Variants in ANK3 observed in about 807,000 individuals in gnomAD.
ANK3 encodes the protein ankyrin 3.
Under a neutral mutation model 370.9 loss-of-function variants are expected in ANK3, and 57 were observed. The ratio of observed to expected loss-of-function variants is 0.15; its 90% CI spans 0.12 to 0.19. The LOEUF is 0.19. ANK3 is among the 10% of genes least tolerant of loss of function. The probability of loss-of-function intolerance (pLI) is 1.00; values close to 1 mark genes in which losing one functional copy is unlikely to be tolerated. For synonymous variants in ANK3, 1,929 were observed against 1,946.3 expected, an observed-to-expected ratio of 0.99 and a Z score of 0.23; for missense variants, 4,439 against 5,302.1, an observed-to-expected ratio of 0.84 and a Z score of 5.06.
chr10:60,256,825 G>A (rs2097745208), intron 7 of ANK3, among the ~76,000 whole-genome samples: 1 of 152,100 alleles, frequency 6.6e-6, no homozygotes, highest in Non-Finnish European at 1.5e-5. Flanking sequence ...ATGGCTGTGT[G>A]GTACTCCATA....
At chr10:60,721,173 G>A (rs541684219) in intron 1 of ANK3, among the ~76,000 whole-genome samples, 2 of 152,274 alleles carry the variant, frequency 1.3e-5, no homozygotes, top group African/African-American at 4.8e-5. Flanking sequence ...AAATATACAT[G>A]AAGTACTATA....
At chr10:60,655,251 A>G (rs1290762376) in intron 1 of ANK3, among the ~76,000 whole-genome samples, 2 of 151,724 alleles carry the variant, frequency 1.3e-5, no homozygotes, top group Non-Finnish European at 1.5e-5. Flanking sequence ...AGCCTCAGGC[A>G]GGTCCTTCTG....
intron 2 of ANK3, among the ~76,000 whole-genome samples, chr10:60,602,600 A>C (rs1025170939): frequency 6.6e-6 from 1 of 152,080 alleles, no homozygotes; most frequent in African/African-American, 2.4e-5. Context: ...AGAGGTTCTT[A>C]AATTGGGATA....
At chr10:60,100,870 A>G (rs2091153106) in intron 28 of ANK3, among the ~76,000 whole-genome samples, 1 of 152,232 alleles carries the variant, frequency 6.6e-6, no homozygotes, top group Non-Finnish European at 1.5e-5. Flanking sequence ...ACTGTCCAGT[A>G]AAAATATAAT....
chr10:60,146,623 G>T (rs947384157), intron 23 of ANK3, among the ~76,000 whole-genome samples: 5 of 152,136 alleles, frequency 3.3e-5, no homozygotes, highest in Admixed American at 1.3e-4. Context: ...CGAGTAGTTG[G>T]GATTACAGGC....
At chr10:60,229,219 A>G (rs2097207465) in intron 8 of ANK3, among the ~76,000 whole-genome samples, 1 of 152,172 alleles carries the variant, frequency 6.6e-6, no homozygotes, top group Admixed American at 6.5e-5. Context: ...AAAAATTGAT[A>G]TATTTTTATA....
upstream of ANK3, among the ~76,000 whole-genome samples, chr10:60,391,873 T>C (rs2063118924): frequency 6.6e-6 from 1 of 152,230 alleles, no homozygotes; most frequent in African/African-American, 2.4e-5. Context: ...TTTAGGACTC[T>C]ATAATGTGAC....
At chr10:60,382,564 G>C (rs2061679119) in intron 1 of ANK3, among the ~76,000 whole-genome samples, 2 of 151,962 alleles carry the variant, frequency 1.3e-5, no homozygotes, top group Admixed American at 1.3e-4. Context: ...TGGGTGAATG[G>C]AATAAGTACC....
At chr10:60,061,359 G>C (rs1036384220) in intron 40 of ANK3, among the ~76,000 whole-genome samples, 1 of 152,090 alleles carries the variant, frequency 6.6e-6, no homozygotes, top group Non-Finnish European at 1.5e-5. Flanking sequence ...TTTCATTTTT[G>C]ACTGTATTTT....
At chr10:60,246,325 T>TC (rs1250810124) in intron 7 of ANK3, among the ~76,000 whole-genome samples, 4 of 151,244 alleles carry the variant, frequency 2.6e-5, no homozygotes, top group Non-Finnish European at 5.9e-5. Flanking sequence ...TTTTTTTTTT[T>TC]CCTCTTTCTT....
intron 2 of ANK3, among the ~76,000 whole-genome samples, chr10:60,509,560 T>G (rs758172485): frequency 1.3e-5 from 2 of 152,192 alleles, no homozygotes; most frequent in African/African-American, 4.8e-5. Context: ...CATAGATTCA[T>G]GAGTTAAGAC....
chr10:60,230,984 A>G (rs1174019832), intron 8 of ANK3, among the ~76,000 whole-genome samples: 1 of 152,004 alleles, frequency 6.6e-6, no homozygotes, highest in East Asian at 1.9e-4. Context: ...ATCATCCTAA[A>G]TTTTACAATA....
intron 2 of ANK3, among the ~76,000 whole-genome samples, chr10:60,548,112 A>G (rs1203580727): frequency 6.6e-6 from 1 of 152,116 alleles, no homozygotes; most frequent in Admixed American, 6.6e-5. Flanking sequence ...GAACTTTCAT[A>G]ATACCCAACA....
At chr10:60,438,198 C>T (rs2064205682) in intron 2 of ANK3, among the ~76,000 whole-genome samples, 1 of 151,866 alleles carries the variant, frequency 6.6e-6, no homozygotes, top group African/African-American at 2.4e-5. Flanking sequence ...CCAGGTTGCT[C>T]TTGCCCAAAG....
At chr10:60,711,679 T>G (rs1309697939) in intron 1 of ANK3, among the ~76,000 whole-genome samples, 1 of 151,968 alleles carries the variant, frequency 6.6e-6, no homozygotes, top group Admixed American at 6.6e-5. Context: ...ATGACCAAAA[T>G]TTTTCAAAAT....
rs143345181 is a variant in ANK3, at chr10:60,044,388, G to A, written c.13066-1629C>T. ...ATAAAGATTAGCAACATACTAGATG[G>A]AGAAATCTCCACACTACTCCAAACA... On this transcript the variant is annotated intron_variant, in intron 42 of 43. Coordinates refer to ENST00000280772, the MANE Select transcript of ANK3 (RefSeq NM_020987.5). 7 of 933,276 alleles carry A rather than the reference G, an allele frequency of 7.5e-6. No homozygotes were observed. In the African/African-American group the frequency reaches 1.3e-4, roughly 17 times the overall value. 57.8% of individuals were successfully genotyped at this position (933,276 alleles called of 1,614,324 possible).
chr10:60,419,034 T>C (rs1468439490), intron 2 of ANK3, among the ~76,000 whole-genome samples: 1 of 152,160 alleles, frequency 6.6e-6, no homozygotes, highest in Non-Finnish European at 1.5e-5. Context: ...GTACAAGTTT[T>C]AGGTTGAAAT....
chr10:60,413,364 C>T (rs1251222774), intron 2 of ANK3, among the ~76,000 whole-genome samples: 1 of 152,188 alleles, frequency 6.6e-6, no homozygotes, highest in East Asian at 1.9e-4. Flanking sequence ...ACTTCCATGC[C>T]AGTGCCTCAG....
intron 25 of ANK3, 139 bp downstream of exon 25, chr10:60,134,132 T>TA: frequency 1.5e-6 from 1 of 661,150 alleles, no homozygotes; most frequent in African/African-American, 1.9e-5. Flanking sequence ...TATTTTTTTT[T>TA]AACTGGCTAG....
Sources: gnomAD v4.1 joint callset for allele counts (sites outside exome capture counted in the v4.1 genomes callset) on GRCh38, gnomAD v4.1.1 for gene constraint, MANE v1.5 for transcripts, NCBI Gene and HGNC (gene_info 2026-07-23, HGNC 2026-07-21) for gene names.